RAVER2: variants seen among roughly 807,000 people sequenced by gnomAD.
RAVER2 encodes the protein ribonucleoprotein, PTB binding 2, also known as ribonucleoprotein PTB-binding 2.
RAVER2 carries 46 observed loss-of-function variants against 78.1 expected under a neutral mutation model. That is an observed-to-expected ratio of 0.59 (90% CI 0.46 to 0.75). The LOEUF is 0.75. Among genes scored for constraint, RAVER2 ranks in the 30% least tolerant of loss-of-function variants. RAVER2 has a pLI of 0.00. For missense variants in RAVER2, 793 were observed against 837.5 expected (o/e 0.95, Z 0.66); for synonymous variants, 311 against 313.3 (o/e 0.99, Z 0.08).
exon 3 of RAVER2, chr1:64,777,852 C>G (rs750833673): frequency 6.2e-7 from 1 of 1,614,048 alleles, no homozygotes; most frequent in African/African-American, 1.3e-5. Flanking sequence ...CTGGCCATTC[C>G]AAAGGCTATG....
In RAVER2 at chr1:64,772,379, T is replaced by G. The variant is rs192400574; in HGVS notation, c.316+3657T>G. ...GACAAAGAGATTTTCAGTTTTTAAA[T>G]TATTAGTTGATTTATATATGCATTT... On this transcript the variant is annotated intron_variant, in intron 2 of 11. Transcript: ENST00000294428. 2.1e-3 allele frequency among the ~76,000 whole-genome samples: 322 copies of G among 152,264 alleles called. 4 individuals are homozygous for G. Among genetic ancestry groups the G allele is most frequent in the South Asian group, 0.02 (96 of 4,826 alleles).
intron 1 of RAVER2, among the ~76,000 whole-genome samples, chr1:64,763,921 C>CACAA (rs1652098183): frequency 7.2e-6 from 1 of 139,314 alleles, no homozygotes; most frequent in South Asian, 2.2e-4. Context: ...CAAAAATACA[C>CACAA]ACACACACAC....
At chr1:64,824,855 C>G (rs545504335) in intron 11 of RAVER2, among the ~76,000 whole-genome samples, 1 of 144,868 alleles carries the variant, frequency 6.9e-6, no homozygotes, top group Non-Finnish European at 1.5e-5. Flanking sequence ...CGCTTGAGCC[C>G]GGGAGGCAGA....
chr1:64,745,629 C>G lies in RAVER2; in HGVS notation c.249+208C>G, dbSNP rs1651508235. ...AGGGGGGCAGATTGGGAAACTGAGG[C>G]TCTGAGTGGCGAAGCGGCTTCTCCA... On this transcript the variant is annotated intron_variant, in intron 1 of 11. Coordinates refer to ENST00000294428, the Ensembl canonical transcript of RAVER2. This position sits in a 1 kb window ranked among gnomAD's most constrained non-coding sequence, Gnocchi z 4.3. Among the ~76,000 whole-genome samples the G allele has an allele frequency of 6.6e-6, 1 of 152,126 alleles. No individual in the cohort carries two copies. Among genetic ancestry groups the G allele is most frequent in the African/African-American group, 2.4e-5 (1 of 41,416 alleles).
At chr1:64,768,717 G>T in exon 2 of RAVER2, 1 of 1,517,712 alleles carries the variant, frequency 6.6e-7, no homozygotes, top group South Asian at 1.1e-5. Context: ...AGAAATAAAC[G>T]AACAGGTAAG....
At chr1:64,788,707 T>G (rs137911180) in intron 4 of RAVER2, among the ~76,000 whole-genome samples, 58 of 141,914 alleles carry the variant, frequency 4.1e-4, no homozygotes, top group African/African-American at 1.5e-3. Context: ...CAAGAGAATG[T>G]CATGAACCCG....
At chr1:64,811,435 C>T (rs1653603511) in intron 9 of RAVER2, among the ~76,000 whole-genome samples, 1 of 152,114 alleles carries the variant, frequency 6.6e-6, no homozygotes, top group Non-Finnish European at 1.5e-5. Flanking sequence ...CATAAAAATG[C>T]CACTAGCGAT....
At chr1:64,752,340 T>A (rs774751385) in intron 1 of RAVER2, among the ~76,000 whole-genome samples, 4 of 152,238 alleles carry the variant, frequency 2.6e-5, no homozygotes, top group Non-Finnish European at 5.9e-5. Context: ...TTCTATCCAG[T>A]GGCTCCCTCC....
intron 1 of RAVER2, among the ~76,000 whole-genome samples, chr1:64,758,712 C>T (rs1651920651): frequency 1.3e-5 from 2 of 152,098 alleles, no homozygotes; most frequent in Admixed American, 1.3e-4. Context: ...CCTAGCTTGC[C>T]TGACACCTTG....
intron 4 of RAVER2, among the ~76,000 whole-genome samples, 188 bp downstream of exon 4, chr1:64,781,759 A>G (rs1159086980): frequency 2.6e-5 from 4 of 152,222 alleles, no homozygotes; most frequent in Non-Finnish European, 4.4e-5. Context: ...TCAAGCCAGA[A>G]GTCATTACCA....
rs200137999 is a variant in RAVER2, at chr1:64,768,732, C to A, written c.316+10C>A. 5 of 1,470,846 alleles carry A rather than the reference C, an allele frequency of 3.4e-6. No individual in the cohort carries two copies. Among genetic ancestry groups the A allele is most frequent in the Non-Finnish European group, 3.8e-6 (4 of 1,055,854 alleles). The allele number at this position is 1,470,846 out of a possible 1,614,324, so 91.1% of individuals were successfully genotyped here. ...AGAAATAAACGAACAGGTAAGATTT[C>A]TATTCTAAGTGTCTAATTTCATTTT... On this transcript the variant is annotated intron_variant, in intron 2 of 11. Transcript: ENST00000294428.
rs1270045205 is a variant in RAVER2 at position 64,745,468 on chromosome 1, C to T, written c.249+47C>T. 1 of 1,476,122 alleles carries T rather than the reference C, an allele frequency of 6.8e-7. No homozygotes were observed. Among genetic ancestry groups the T allele is most frequent in the Non-Finnish European group, 9.1e-7 (1 of 1,102,606 alleles). The allele number at this position is 1,476,122 out of a possible 1,614,324, so 91.4% of individuals were successfully genotyped here. ...CGACGCGTCCCGAGGGGCGGCGGGGCGGCGCTCCGTGTCCAGGCTGGGATC... is the reference window on the plus strand; with the variant it reads ...CGACGCGTCCCGAGGGGCGGCGGGGTGGCGCTCCGTGTCCAGGCTGGGATC... On this transcript the variant is annotated intron_variant, in intron 1 of 11. Coordinates refer to ENST00000294428, the Ensembl canonical transcript of RAVER2. This position sits in a 1 kb window ranked among gnomAD's most constrained non-coding sequence, Gnocchi z 4.3.
chr1:64,777,580 C>G (rs778290724), intron 2 of RAVER2, 43 bp from the exon 3 acceptor site: 3 of 1,490,366 alleles, frequency 2.0e-6, no homozygotes, highest in Non-Finnish European at 1.8e-6. Flanking sequence ...ACTGTGTTTT[C>G]AAACAATTTG....
At chr1:64,791,157 G>GC (rs1307535763) in intron 5 of RAVER2, among the ~76,000 whole-genome samples, 2 of 152,174 alleles carry the variant, frequency 1.3e-5, no homozygotes, top group Non-Finnish European at 2.9e-5. Context: ...TGAATGCAGA[G>GC]CTTCTGTGTC....
intron 5 of RAVER2, among the ~76,000 whole-genome samples, chr1:64,801,559 A>G (rs1653266634): frequency 6.6e-6 from 1 of 151,658 alleles, no homozygotes; most frequent in Non-Finnish European, 1.5e-5. Context: ...TTTATTAAGA[A>G]AGGGAAGCAA....
intron 5 of RAVER2, among the ~76,000 whole-genome samples, chr1:64,791,749 G>T (rs1027660591): frequency 6.6e-6 from 1 of 152,100 alleles, no homozygotes; most frequent in East Asian, 1.9e-4. Flanking sequence ...CTATTCCCTG[G>T]TTTGACAGTT....
rs4313429 is a variant in RAVER2 at position 64,745,910 on chromosome 1, T to C, written c.249+489T>C. On this transcript the variant is annotated intron_variant, in intron 1 of 11. Coordinates refer to ENST00000294428, the Ensembl canonical transcript of RAVER2. This position sits in a 1 kb window ranked among gnomAD's most constrained non-coding sequence, Gnocchi z 4.3. ...AGAGAGCTGGGAGTGAGTTTCGCTG[T>C]TGTTGCAGAAGCACTTGCCCAAGTT... Among the ~76,000 whole-genome samples, 18,728 of 152,158 alleles carry C rather than the reference T, an allele frequency of 0.12. 1,345 individuals are homozygous for C. Among genetic ancestry groups the C allele is most frequent in the East Asian group, 0.28 (1,436 of 5,148 alleles).
intron 4 of RAVER2, among the ~76,000 whole-genome samples, chr1:64,789,157 C>T (rs1422113962): frequency 6.6e-6 from 1 of 152,116 alleles, no homozygotes; most frequent in East Asian, 1.9e-4. Flanking sequence ...AATTGTCAGT[C>T]CTCTTAAAGC....
intron 5 of RAVER2, among the ~76,000 whole-genome samples, chr1:64,791,925 C>T (rs917939809): frequency 2.0e-5 from 3 of 152,250 alleles, no homozygotes; most frequent in Middle Eastern, 3.4e-3. Flanking sequence ...TTTTATTTTA[C>T]CTGTCTTCTT....
Sources: gnomAD v4.1 joint callset for allele counts (sites outside exome capture counted in the v4.1 genomes callset) on GRCh38, gnomAD v4.1.1 for gene constraint, Gnocchi (gnomAD v3.1) non-coding constraint, MANE v1.5 for transcripts, NCBI Gene and HGNC (gene_info 2026-07-23, HGNC 2026-07-21) for gene names.